ZNF804B: variants seen among roughly 807,000 people sequenced by gnomAD.
ZNF804B encodes the protein zinc finger protein 804B, also known as zinc finger 804B.
In ZNF804B, 80 loss-of-function variants were observed where a neutral mutation model predicts 101.4. The observed-to-expected ratio is 0.79, with a 90% CI of 0.66 to 0.95. The LOEUF (loss-of-function observed/expected upper bound fraction) is 0.95, where lower values mean the gene tolerates loss of function less well. Among genes scored for constraint, ZNF804B ranks in the 40% least tolerant of loss-of-function variants. The probability of loss-of-function intolerance (pLI) is 0.00; values close to 1 mark genes in which losing one functional copy is unlikely to be tolerated. For missense variants in ZNF804B, 1,673 were observed against 1,561.9 expected (o/e 1.07, Z -1.20); for synonymous variants, 622 against 558.8 (o/e 1.11, Z -1.59).
At chr7:89,007,449 TATATA>T (rs1221249170) in intron 1 of ZNF804B, among the ~76,000 whole-genome samples, 2 of 61,790 alleles carry the variant, frequency 3.2e-5, no homozygotes, top group East Asian at 8.1e-4. Flanking sequence ...CATGATTTTA[TATATA>T]TATATATATA....
intron 2 of ZNF804B, among the ~76,000 whole-genome samples, chr7:89,218,500 A>C (rs2115698502): frequency 6.6e-6 from 1 of 152,288 alleles, no homozygotes; most frequent in South Asian, 2.1e-4. Flanking sequence ...GCTGGAGGTA[A>C]ACTTAGAGAT....
At chr7:89,198,421 G>T (rs554616146) in intron 1 of ZNF804B, among the ~76,000 whole-genome samples, 1 of 151,798 alleles carries the variant, frequency 6.6e-6, no homozygotes, top group South Asian at 2.1e-4. Flanking sequence ...TATTAATAGC[G>T]TTTGTAAGAC....
At chr7:88,764,673 C>A (rs1022476118) in intron 1 of ZNF804B, among the ~76,000 whole-genome samples, 1 of 151,996 alleles carries the variant, frequency 6.6e-6, no homozygotes, top group Non-Finnish European at 1.5e-5. Context: ...GCAGTTAAAC[C>A]CTTGTCCTTT....
Position 89,277,075 on chromosome 7 carries a change from C to T in ZNF804B, c.250-50269C>T, listed in dbSNP as rs571147084. The stretch of plus-strand genomic sequence containing the variant: ...TTGGTCTGTTGTCAAATTTAATAGA[C>T]ATTTTCAGTTTATTATGTATACAAA... On this transcript the variant is annotated intron_variant, in intron 2 of 3. Transcript: ENST00000333190. Among the ~76,000 whole-genome samples, 4 of 149,666 alleles carry T rather than the reference C, an allele frequency of 2.7e-5. No individual in the cohort carries two copies. The South Asian group carries it at 6.3e-4, about 24-fold the overall frequency.
chr7:88,908,231 T>A (rs1468435731), intron 1 of ZNF804B, among the ~76,000 whole-genome samples: 1 of 151,706 alleles, frequency 6.6e-6, no homozygotes, highest in African/African-American at 2.4e-5. Context: ...TTTTAAATAA[T>A]TTTTTTATTT....
At chr7:89,059,766 A>G (rs1440939085) in intron 1 of ZNF804B, among the ~76,000 whole-genome samples, 2 of 152,080 alleles carry the variant, frequency 1.3e-5, no homozygotes, top group African/African-American at 4.8e-5. Flanking sequence ...ACTTGAGTGG[A>G]TTAAGGAATA....
intron 1 of ZNF804B, among the ~76,000 whole-genome samples, chr7:88,854,202 A>G (rs969583566): frequency 4.6e-5 from 7 of 152,168 alleles, no homozygotes; most frequent in Admixed American, 3.3e-4. Flanking sequence ...TTATCTTATT[A>G]AAACCTTAAA....
At chr7:88,945,455 G>C (rs1208072155) in intron 1 of ZNF804B, among the ~76,000 whole-genome samples, 1 of 152,018 alleles carries the variant, frequency 6.6e-6, no homozygotes, top group Non-Finnish European at 1.5e-5. Flanking sequence ...CTATATATCT[G>C]TTTTGGTACC....
At chr7:89,281,504 A>G (rs536574820) in intron 2 of ZNF804B, among the ~76,000 whole-genome samples, 1 of 152,200 alleles carries the variant, frequency 6.6e-6, no homozygotes, top group Non-Finnish European at 1.5e-5. Flanking sequence ...TTTTTAGATA[A>G]TACAATTAAA....
At chr7:88,881,385 C>G (rs1326622705) in intron 1 of ZNF804B, among the ~76,000 whole-genome samples, 1 of 151,900 alleles carries the variant, frequency 6.6e-6, no homozygotes, top group Admixed American at 6.6e-5. Flanking sequence ...TTCTAGGTGC[C>G]CACCCCACAG....
intron 1 of ZNF804B, among the ~76,000 whole-genome samples, chr7:89,116,837 C>T (rs1309076676): frequency 6.6e-6 from 1 of 152,026 alleles, no homozygotes; most frequent in African/African-American, 2.4e-5. Context: ...AATAATGGCA[C>T]CAGAGATATA....
intron 1 of ZNF804B, among the ~76,000 whole-genome samples, chr7:88,834,870 A>G (rs1007726899): frequency 6.6e-6 from 1 of 151,820 alleles, no homozygotes; most frequent in Admixed American, 6.6e-5. Context: ...TAAAAGTATG[A>G]TGAAATACTC....
Position 89,333,243 on chromosome 7 carries a change from T to C in ZNF804B, c.381-120T>C, listed in dbSNP as rs991650506. The C allele has an allele frequency of 7.1e-6, 7 of 980,092 alleles. No individual in the cohort carries two copies. The African/African-American group carries it at 9.9e-5, about 14-fold the overall frequency. The allele number at this position is 980,092 out of a possible 1,614,324, so 60.7% of individuals were successfully genotyped here. A position where few individuals can be genotyped will look rare whatever the true frequency, so the allele number is the denominator to read the frequency against. ...ATAAGGACAACAAAAGGTTATGTTT[T>C]AGAAGATGTAGCTCATAAAATGTAA... On this transcript the variant is annotated intron_variant, in intron 3 of 3. Transcript: ENST00000333190.
In ZNF804B at chr7:89,335,652, G is replaced by A. The variant is rs1436104513; in HGVS notation, c.2670G>A (p.Lys890=). 1.2e-6 allele frequency: 2 copies of A among 1,613,890 alleles called. No homozygotes were observed. Among genetic ancestry groups the A allele is most frequent in the South Asian group, 1.1e-5 (1 of 91,088 alleles). Residue 890 remains lysine (K), a synonymous_variant, in exon 4 of 4, where the codon AAG becomes AAA. Coordinates refer to ENST00000333190, the MANE Select transcript of ZNF804B (RefSeq NM_181646.5). ...ATCTGGGAAAAGTCAGGCCCATGAA[G>A]TGTAACTCCGGGAATATCAGCTGCC... The part of the protein sequence containing the change: ...ICDLGKVRPM[K]CNSGNISCLL...
At chr7:89,015,357 T>G (rs975991007) in intron 1 of ZNF804B, among the ~76,000 whole-genome samples, 4 of 151,982 alleles carry the variant, frequency 2.6e-5, no homozygotes, top group Non-Finnish European at 5.9e-5. Context: ...TATTATACTT[T>G]AAGATTTTAG....
intron 1 of ZNF804B, among the ~76,000 whole-genome samples, chr7:88,931,794 T>G (rs2116021096): frequency 6.6e-6 from 1 of 151,988 alleles, no homozygotes; most frequent in African/African-American, 2.4e-5. Flanking sequence ...AACGAGCAAA[T>G]TATAAGAAAA....
In ZNF804B at chr7:89,295,540, A is replaced by G. The variant is rs73401142; in HGVS notation, c.250-31804A>G. On this transcript the variant is annotated intron_variant, in intron 2 of 3. Transcript: ENST00000333190. ...ATTCCTGAAATGATCAAAACAATCA[A>G]TCTGCTAATGGTACTCTTTTGTGTT... Among the ~76,000 whole-genome samples, 542 of 152,200 alleles carry G rather than the reference A, an allele frequency of 3.6e-3. 5 individuals are homozygous for G. The highest frequency in any genetic ancestry group is 0.012 in the African/African-American group (513 of 41,544).
chr7:89,207,141 A>G (rs1788725948), intron 1 of ZNF804B, among the ~76,000 whole-genome samples: 2 of 152,292 alleles, frequency 1.3e-5, no homozygotes, highest in South Asian at 4.2e-4. Context: ...CCTGTTACCC[A>G]GTTCCAAAGT....
chr7:88,824,560 A>C (rs948490556), intron 1 of ZNF804B, among the ~76,000 whole-genome samples: 1 of 152,180 alleles, frequency 6.6e-6, no homozygotes, highest in African/African-American at 2.4e-5. Context: ...TACTAAATCA[A>C]CATATGTACA....
Sources: gnomAD v4.1 joint callset for allele counts (sites outside exome capture counted in the v4.1 genomes callset) on GRCh38, gnomAD v4.1.1 for gene constraint, MANE v1.5 for transcripts, NCBI Gene and HGNC (gene_info 2026-07-23, HGNC 2026-07-21) for gene names.